Variants in ASTN2 observed in about 807,000 individuals in gnomAD.
The protein encoded by ASTN2 is astrotactin-2.
In ASTN2, 54 loss-of-function variants were observed where a neutral mutation model predicts 139.8. The observed-to-expected ratio is 0.39, with a 90% CI of 0.31 to 0.48. ASTN2 has a LOEUF of 0.48. Ranked by LOEUF, ASTN2 falls within the 20% of genes least tolerant of loss-of-function variation. The pLI is 0.95. For missense variants in ASTN2, 1,565 were observed against 1,725.1 expected (o/e 0.91, Z 1.64); for synonymous variants, 756 against 719.5 (o/e 1.05, Z -0.81).
chr9:116,510,594 G>C (rs1329975959), intron 19 of ASTN2, among the ~76,000 whole-genome samples: 2 of 152,204 alleles, frequency 1.3e-5, no homozygotes, highest in Admixed American at 1.3e-4. Context: ...ACCTTGGGCA[G>C]TATGGCCATT....
intron 7 of ASTN2, among the ~76,000 whole-genome samples, chr9:116,982,459 G>C (rs1413489521): frequency 1.3e-5 from 2 of 152,158 alleles, no homozygotes; most frequent in African/African-American, 4.8e-5. Context: ...TAGCAGAAAG[G>C]AAAGGTGCTT....
Position 116,698,773 on chromosome 9 carries a change from G to A in ASTN2, c.2806+26998C>T, listed in dbSNP as rs778138359. On this transcript the variant is annotated intron_variant, in intron 16 of 22. Coordinates refer to ENST00000313400, the MANE Select transcript of ASTN2 (RefSeq NM_001365068.1). This position sits in a 1 kb window ranked among gnomAD's most constrained non-coding sequence, Gnocchi z 4.4. ...CCTAGGGCCTCACCTGCTAAACAGC[G>A]GGGTCCTGAGGCAGCCTCCAATATC... 47 of 1,614,050 alleles carry A rather than the reference G, an allele frequency of 2.9e-5. No homozygotes were observed. The highest frequency in any genetic ancestry group is 5.3e-5 in the African/African-American group (4 of 74,922).
chr9:117,071,099 C>T (rs1324473226), intron 5 of ASTN2, among the ~76,000 whole-genome samples: 3 of 148,246 alleles, frequency 2.0e-5, no homozygotes, highest in Non-Finnish European at 3.0e-5. Context: ...ATTTTTAGAG[C>T]TTCCAGTTTT....
intron 12 of ASTN2, among the ~76,000 whole-genome samples, chr9:116,806,250 A>T (rs1831025655): frequency 6.6e-6 from 1 of 152,206 alleles, no homozygotes; most frequent in South Asian, 2.1e-4. Flanking sequence ...GGTAGCTCAG[A>T]GGTGAAACCT....
intron 13 of ASTN2, among the ~76,000 whole-genome samples, chr9:116,756,698 C>T (rs931208275): frequency 1.3e-5 from 2 of 151,914 alleles, no homozygotes; most frequent in African/African-American, 2.4e-5. Flanking sequence ...TAGCTCAATT[C>T]GGCCTCCATC....
intron 19 of ASTN2, among the ~76,000 whole-genome samples, chr9:116,514,852 G>C (rs530735849): frequency 6.6e-6 from 1 of 152,284 alleles, no homozygotes; most frequent in East Asian, 1.9e-4. Context: ...GAAAAGCGCA[G>C]TATTAGGGTG....
intron 13 of ASTN2, among the ~76,000 whole-genome samples, chr9:116,784,325 C>T (rs1430953159): frequency 6.6e-6 from 1 of 152,216 alleles, no homozygotes; most frequent in Admixed American, 6.5e-5. Flanking sequence ...ATAACACTGG[C>T]TCTTCTCTGT....
intron 2 of ASTN2, among the ~76,000 whole-genome samples, chr9:117,219,096 G>A (rs1407838896): frequency 6.6e-6 from 1 of 152,158 alleles, no homozygotes; most frequent in African/African-American, 2.4e-5. Context: ...GAGCTCAAGA[G>A]AACCATCTGG....
chr9:116,469,620 C>G (rs1166362322), intron 20 of ASTN2, among the ~76,000 whole-genome samples: 1 of 152,150 alleles, frequency 6.6e-6, no homozygotes, highest in East Asian at 1.9e-4. Flanking sequence ...ATTTCTTCAT[C>G]TCTAAAGTGA....
At chr9:116,586,702 T>A (rs1002303472) in intron 19 of ASTN2, among the ~76,000 whole-genome samples, 1 of 152,016 alleles carries the variant, frequency 6.6e-6, no homozygotes, top group Non-Finnish European at 1.5e-5. Context: ...GCTCACTACC[T>A]GGGTGATGGA....
At chr9:116,966,584 G>A (rs1460478730) in intron 10 of ASTN2, among the ~76,000 whole-genome samples, 2 of 152,046 alleles carry the variant, frequency 1.3e-5, no homozygotes, top group Non-Finnish European at 2.9e-5. Context: ...ATGTCTCCAG[G>A]CTCACTGGCT....
chr9:116,615,903 T>C (rs1292839456), intron 19 of ASTN2, among the ~76,000 whole-genome samples: 1 of 152,064 alleles, frequency 6.6e-6, no homozygotes, highest in Admixed American at 6.6e-5. Flanking sequence ...AGATACCTTC[T>C]TCGATGTAAT....
At chr9:116,791,001 AAGAAAG>A (rs1830531125) in intron 13 of ASTN2, among the ~76,000 whole-genome samples, 1 of 122,808 alleles carries the variant, frequency 8.1e-6, no homozygotes, top group African/African-American at 3.0e-5. Context: ...GAAAGAAAGA[AAGAAAG>A]AAAGAAAGAA....
chr9:117,106,301 A>C (rs1479076527), intron 4 of ASTN2, among the ~76,000 whole-genome samples: 1 of 151,932 alleles, frequency 6.6e-6, no homozygotes, highest in Non-Finnish European at 1.5e-5. Flanking sequence ...ATCTCGGCTC[A>C]CTGCAACCTC....
At chr9:117,109,339 TAAATAAATAAATAAATAA>T (rs1431733851) in intron 4 of ASTN2, among the ~76,000 whole-genome samples, 2 of 34,772 alleles carry the variant, frequency 5.8e-5, no homozygotes, top group African/African-American at 1.1e-4. Context: ...TCTCAAAAAA[TAAATAAATAAATAAATAA>T]AAATAAATAA....
chr9:116,973,686 T>C (rs927175418), intron 10 of ASTN2, among the ~76,000 whole-genome samples: 2 of 152,202 alleles, frequency 1.3e-5, no homozygotes, highest in Non-Finnish European at 2.9e-5. Flanking sequence ...AGAGAGAACT[T>C]AGCACATGCT....
chr9:116,630,402 T>A (rs1312789634), intron 17 of ASTN2, among the ~76,000 whole-genome samples: 1 of 152,198 alleles, frequency 6.6e-6, no homozygotes, highest in Non-Finnish European at 1.5e-5. Flanking sequence ...GCTCCTGTGA[T>A]CAGGTGATTT....
At position 117,366,088 on chromosome 9, in the gene ASTN2, T is replaced by C. The variant is rs1587984605; in HGVS notation, c.442+48409A>G. Among the ~76,000 whole-genome samples the C allele has an allele frequency of 2.0e-5, 3 of 152,236 alleles. No homozygotes were observed. In the East Asian group the frequency reaches 5.8e-4, roughly 29 times the overall value. ...GAGGGCAGAGGCCTTGTCTCACTCA[T>C]CTTGCAAAACCTAGCACCGCTGCTA... On this transcript the variant is annotated intron_variant, in intron 1 of 22. Transcript: ENST00000313400.
intron 1 of ASTN2, among the ~76,000 whole-genome samples, chr9:117,388,458 G>C (rs1445247923): frequency 6.6e-6 from 1 of 152,192 alleles, no homozygotes; most frequent in Non-Finnish European, 1.5e-5. Context: ...ATCCTAGTGG[G>C]AGTGCTCTGA....
Sources: gnomAD v4.1 joint callset for allele counts (sites outside exome capture counted in the v4.1 genomes callset) on GRCh38, gnomAD v4.1.1 for gene constraint, Gnocchi (gnomAD v3.1) non-coding constraint, MANE v1.5 for transcripts, NCBI Gene and HGNC (gene_info 2026-07-23, HGNC 2026-07-21) for gene names.